The following AHCYL2 variants were observed in gnomAD, a reference collection of about 807,000 sequenced individuals.
AHCYL2 encodes adenosylhomocysteinase like 2.
AHCYL2 carries 28 observed loss-of-function variants against 81.4 expected under a neutral mutation model. The ratio of observed to expected loss-of-function variants is 0.34; its 90% CI spans 0.25 to 0.47. The LOEUF (loss-of-function observed/expected upper bound fraction) is 0.47. AHCYL2 is among the 20% of genes least tolerant of loss of function. The pLI is 1.00. For missense variants in AHCYL2, 551 were observed against 785.1 expected, an observed-to-expected ratio of 0.70 and a Z score of 3.56; for synonymous variants, 272 against 290.2, an observed-to-expected ratio of 0.94 and a Z score of 0.64.
intron 1 of AHCYL2, among the ~76,000 whole-genome samples, chr7:129,225,915 A>G (rs1331692679): frequency 6.6e-6 from 1 of 152,228 alleles, no homozygotes; most frequent in Non-Finnish European, 1.5e-5. Context: ...TCTGGTTTCC[A>G]TACAGTTGAT....
intron 4 of AHCYL2, among the ~76,000 whole-genome samples, chr7:129,390,016 GA>G (rs1482718784): frequency 1.3e-5 from 2 of 152,068 alleles, no homozygotes; most frequent in Non-Finnish European, 2.9e-5. Context: ...GTCTGTGGGG[GA>G]TAAGTTTCAA....
At chr7:129,267,896 A>G (rs930995829) in intron 1 of AHCYL2, among the ~76,000 whole-genome samples, 6 of 152,140 alleles carry the variant, frequency 3.9e-5, no homozygotes, top group Admixed American at 3.3e-4. Flanking sequence ...GTAAATGGTC[A>G]TACTCCTATT....
intron 1 of AHCYL2, among the ~76,000 whole-genome samples, chr7:129,232,232 T>C (rs1374243062): frequency 1.3e-5 from 2 of 152,226 alleles, no homozygotes; most frequent in Non-Finnish European, 2.9e-5. Context: ...TACTGAATAC[T>C]TACTCCGTGT....
At chr7:129,249,561 G>A (rs1306437060) in intron 1 of AHCYL2, among the ~76,000 whole-genome samples, 2 of 152,014 alleles carry the variant, frequency 1.3e-5, no homozygotes, top group African/African-American at 4.8e-5. Flanking sequence ...GAGTAGCTGG[G>A]ACTACAGGCG....
At chr7:129,317,392 CACAA>C (rs1379739954) in intron 1 of AHCYL2, among the ~76,000 whole-genome samples, 7 of 152,070 alleles carry the variant, frequency 4.6e-5, no homozygotes, top group African/African-American at 1.4e-4. Context: ...TTTATTGAAC[CACAA>C]ACAATCAATT....
At chr7:129,319,123 T>A (rs1246777041) in intron 1 of AHCYL2, among the ~76,000 whole-genome samples, 1 of 151,920 alleles carries the variant, frequency 6.6e-6, no homozygotes, top group Non-Finnish European at 1.5e-5. Flanking sequence ...GAACAGATAG[T>A]TTAGAAGAAA....
At chr7:129,390,073 A>G (rs544404623) in intron 4 of AHCYL2, among the ~76,000 whole-genome samples, 1 of 152,266 alleles carries the variant, frequency 6.6e-6, no homozygotes, top group South Asian at 2.1e-4. Flanking sequence ...TGAACCCTAT[A>G]TATACTATGT....
chr7:129,313,662 C>T (rs1017496949), intron 1 of AHCYL2, among the ~76,000 whole-genome samples: 4 of 152,038 alleles, frequency 2.6e-5, no homozygotes, highest in East Asian at 1.9e-4. Context: ...ACAAAAGGAT[C>T]GTTTCCAGAG....
At chr7:129,327,271 G>A (rs1435189318) in intron 1 of AHCYL2, among the ~76,000 whole-genome samples, 1 of 152,084 alleles carries the variant, frequency 6.6e-6, no homozygotes, top group Non-Finnish European at 1.5e-5. Flanking sequence ...CACCATATGA[G>A]GATACAGCAA....
At chr7:129,226,538 A>G (rs1333236962) in intron 1 of AHCYL2, among the ~76,000 whole-genome samples, 1 of 152,214 alleles carries the variant, frequency 6.6e-6, no homozygotes, top group African/African-American at 2.4e-5. Context: ...CAGAACAGCA[A>G]CAAAGAGACG....
At chr7:129,235,684 A>G (rs940249821) in intron 1 of AHCYL2, among the ~76,000 whole-genome samples, 1 of 152,202 alleles carries the variant, frequency 6.6e-6, no homozygotes, top group African/African-American at 2.4e-5. Flanking sequence ...CAGCTTTCCA[A>G]AGTGAGTTTT....
In AHCYL2 at chr7:129,426,642, A is replaced by G; in HGVS notation, c.1829+79A>G. 1 of 1,549,556 alleles carries G rather than the reference A, an allele frequency of 6.5e-7. No homozygotes were observed. The highest frequency in any genetic ancestry group is 2.2e-5 in the East Asian group (1 of 44,544). Reference sequence around the variant, plus strand: ...CACTGGAATTGGTCTTTGCATCCCCAACCACATATGCTTACATGAACTCAG... The same window carrying G: ...CACTGGAATTGGTCTTTGCATCCCCGACCACATATGCTTACATGAACTCAG... On this transcript the variant is annotated intron_variant, in intron 16 of 16. Transcript: ENST00000325006. The surrounding 1 kb of genome is among the most constrained non-coding windows in gnomAD (Gnocchi z 4.3).
At chr7:129,276,684 G>A (rs1204833608) in intron 1 of AHCYL2, among the ~76,000 whole-genome samples, 3 of 146,558 alleles carry the variant, frequency 2.0e-5, no homozygotes. Flanking sequence ...GGAAGGCAGA[G>A]GTTGCAGTAA....
At chr7:129,330,606 G>T (rs1264963184) in intron 1 of AHCYL2, among the ~76,000 whole-genome samples, 1 of 152,012 alleles carries the variant, frequency 6.6e-6, no homozygotes, top group Non-Finnish European at 1.5e-5. Flanking sequence ...GAGTAGCTGG[G>T]ACTACAGGCG....
At chr7:129,399,687 A>G (rs903135290) in intron 5 of AHCYL2, among the ~76,000 whole-genome samples, 5 of 151,592 alleles carry the variant, frequency 3.3e-5, no homozygotes, top group African/African-American at 1.2e-4. Context: ...GTGGATCAAG[A>G]AGTACCTGTT....
In AHCYL2 at chr7:129,225,468, G is replaced by A. The variant is rs774664614; in HGVS notation, c.363+29G>A. 11 of 1,479,588 alleles carry A rather than the reference G, an allele frequency of 7.4e-6. No individual in the cohort carries two copies. The South Asian group carries it at 1.1e-4, about 15-fold the overall frequency. The allele number at this position is 1,479,588 out of a possible 1,614,324, so 91.7% of individuals were successfully genotyped here. A position where few individuals can be genotyped will look rare whatever the true frequency, so the allele number is the denominator to read the frequency against. On this transcript the variant is annotated intron_variant, in intron 1 of 16. Coordinates refer to ENST00000325006, the MANE Select transcript of AHCYL2 (RefSeq NM_015328.4). Reference sequence around the variant, plus strand: ...CTGGGGCCGGGCTGCCTCTCTAGGAGAGGAAGGGAGGGGAGGGGAACTGCA... The same window carrying A: ...CTGGGGCCGGGCTGCCTCTCTAGGAAAGGAAGGGAGGGGAGGGGAACTGCA...
At chr7:129,249,580 C>A (rs563077408) in intron 1 of AHCYL2, among the ~76,000 whole-genome samples, 6 of 151,928 alleles carry the variant, frequency 3.9e-5, no homozygotes, top group African/African-American at 1.4e-4. Flanking sequence ...CGCCCGCCAC[C>A]GCGCCCGGCT....
chr7:129,349,468 CAAAAAAA>C (rs56205996), intron 1 of AHCYL2, among the ~76,000 whole-genome samples: 1 of 98,488 alleles, frequency 1.0e-5, no homozygotes, highest in African/African-American at 3.9e-5. Flanking sequence ...CCATCTCTAC[CAAAAAAA>C]AAAAAAAAAA....
chr7:129,427,525 C>G lies in AHCYL2; in HGVS notation c.*480C>G, dbSNP rs1797415119. On this transcript the variant is annotated 3_prime_UTR_variant, in exon 17 of 17. Transcript: ENST00000325006. This position sits in a 1 kb window ranked among gnomAD's most constrained non-coding sequence, Gnocchi z 5.5. ...TTTCACACAAGATTGGGTTCCCAAT[C>G]TTGACCATCACTATCACTGCCTTCT... 1 of 154,240 alleles carries G rather than the reference C, an allele frequency of 6.5e-6. No homozygotes were observed. Among genetic ancestry groups the G allele is most frequent in the African/African-American group, 2.4e-5 (1 of 41,478 alleles). The allele number at this position is 154,240 out of a possible 1,614,324, so 9.6% of individuals were successfully genotyped here.
Sources: gnomAD v4.1 joint callset for allele counts (sites outside exome capture counted in the v4.1 genomes callset) on GRCh38, gnomAD v4.1.1 for gene constraint, Gnocchi (gnomAD v3.1) non-coding constraint, MANE v1.5 for transcripts, NCBI Gene and HGNC (gene_info 2026-07-23, HGNC 2026-07-21) for gene names.